Variants in UBE3A observed in about 807,000 individuals in gnomAD.
The protein encoded by UBE3A is ubiquitin protein ligase E3A, also known as ubiquitin-protein ligase E3A.
Under a neutral mutation model 83.4 loss-of-function variants are expected in UBE3A, and 6 were observed. That is an observed-to-expected ratio of 0.07 (90% CI 0.04 to 0.14). The LOEUF (loss-of-function observed/expected upper bound fraction) is 0.14. Among genes scored for constraint, UBE3A ranks in the 10% least tolerant of loss-of-function variants. The probability of loss-of-function intolerance (pLI) is 1.00; values close to 1 mark genes in which losing one functional copy is unlikely to be tolerated. For missense variants in UBE3A, 456 were observed against 1,036.1 expected (o/e 0.44, Z 7.69); for synonymous variants, 337 against 355.4 (o/e 0.95, Z 0.58).
Position 25,340,182 on chromosome 15 carries a change from G to A in UBE3A, c.2401C>T (p.Leu801Phe). Residue 801 changes from leucine (L) to phenylalanine (F), a missense_variant, in exon 12 of 13, where the codon CTC becomes TTC. This residue lies in a region of UBE3A where 82 missense variants were observed against 199.3 expected (regional missense o/e 0.41). Coordinates refer to ENST00000648336, the MANE Select transcript of UBE3A (RefSeq NM_130839.5). ...GTGCCCGTTGTAAACTGCAAGAAGA[G>A]TCTTTTCTGTTCATCTGTAAATGAA... ...VHSFTDEQKRLFLQFTTGTDR... is the reference protein window; with the variant it reads ...VHSFTDEQKRFFLQFTTGTDR... The A allele has an allele frequency of 6.2e-7, 1 of 1,613,940 alleles. No homozygotes were observed. The highest frequency in any genetic ancestry group is 1.7e-5 in the Admixed American group (1 of 60,020).
intron 1 of UBE3A, among the ~76,000 whole-genome samples, chr15:25,413,366 CTG>C (rs1392519865): frequency 6.6e-6 from 1 of 152,052 alleles, no homozygotes; most frequent in African/African-American, 2.4e-5. Context: ...ATTTCACAAA[CTG>C]TTTTTTTCTA....
At chr15:25,347,507 C>G (rs765292934) in intron 11 of UBE3A, among the ~76,000 whole-genome samples, 1 of 152,148 alleles carries the variant, frequency 6.6e-6, no homozygotes, top group Non-Finnish European at 1.5e-5. Flanking sequence ...CGAGACCAGC[C>G]TGGCCAATAT....
chr15:25,405,548 C>CA lies in UBE3A; in HGVS notation c.21-47dup, dbSNP rs35086186. The CA allele has an allele frequency of 0.12, 179,765 of 1,554,302 alleles. 7,597 individuals carry two copies. Among genetic ancestry groups the CA allele is most frequent in the Middle Eastern group, 0.16 (936 of 5,798 alleles). ...ACAGTTAGCAAAATATTCCATATTC[C>CA]AAAAAAAAAGGTAGACATATTACTT... On this transcript the variant is annotated intron_variant, in intron 3 of 12. Transcript: ENST00000648336.
At chr15:25,365,872 T>A (rs1021896665) in intron 6 of UBE3A, among the ~76,000 whole-genome samples, 5 of 152,190 alleles carry the variant, frequency 3.3e-5, no homozygotes, top group Admixed American at 3.3e-4. Context: ...ATGTTCACGA[T>A]AAACACATGA....
chr15:25,369,912 G>T (rs184706002), intron 6 of UBE3A, among the ~76,000 whole-genome samples: 1 of 152,220 alleles, frequency 6.6e-6, no homozygotes, highest in East Asian at 1.9e-4. Context: ...GATGTTACAG[G>T]CACCACTAAT....
chr15:25,377,172 CAACAATT>C (rs1347054609), intron 4 of UBE3A, among the ~76,000 whole-genome samples: 2 of 152,114 alleles, frequency 1.3e-5, no homozygotes, highest in African/African-American at 4.8e-5. Context: ...ATGAGAAACT[CAACAATT>C]AACAAGGCAG....
intron 1 of UBE3A, among the ~76,000 whole-genome samples, chr15:25,416,196 A>C (rs2090885754): frequency 6.6e-6 from 1 of 152,210 alleles, no homozygotes; most frequent in Non-Finnish European, 1.5e-5. Flanking sequence ...ATTCACAAGA[A>C]GACAATCACT....
chr15:25,360,313 A>C, intron 7 of UBE3A, 70 bp downstream of exon 7: 1 of 1,598,526 alleles, frequency 6.3e-7, no homozygotes, highest in East Asian at 2.2e-5. Context: ...AAATATTTAC[A>C]AAGTAAGATA....
At position 25,338,192 on chromosome 15, in the gene UBE3A, ATCTT is replaced by A. The variant is rs893422417; in HGVS notation, c.*941_*944del. 7.9e-5 allele frequency: 12 copies of A among 152,138 alleles called. No individual in the cohort carries two copies. The highest frequency in any genetic ancestry group is 8.8e-5 in the Non-Finnish European group (6 of 67,988). The allele number at this position is 152,138 out of a possible 1,614,324, so 9.4% of individuals were successfully genotyped here. On this transcript the variant is annotated 3_prime_UTR_variant, in exon 13 of 13. Transcript: ENST00000648336. The stretch of plus-strand genomic sequence containing the variant: ...TAAGTAAGTAATTAATAAAAACTCT[ATCTT>A]AAGTGCACTTTCACATGCTTTTTGT...
chr15:25,406,590 A>G (rs2088603789), intron 3 of UBE3A, among the ~76,000 whole-genome samples: 2 of 152,126 alleles, frequency 1.3e-5, no homozygotes, highest in South Asian at 4.1e-4. Context: ...GTCAAAAGCT[A>G]AATTTTCAAA....
intron 1 of UBE3A, among the ~76,000 whole-genome samples, chr15:25,428,800 A>C (rs186155873): frequency 6.6e-6 from 1 of 152,194 alleles, no homozygotes; most frequent in Non-Finnish European, 1.5e-5. Context: ...TAATGCTGAT[A>C]AAGTATACAT....
rs931330689 is a variant in UBE3A at position 25,438,748 on chromosome 15, G to A, written c.-424C>T. On this transcript the variant is annotated 5_prime_UTR_variant, in exon 1 of 13. Coordinates refer to ENST00000648336, the MANE Select transcript of UBE3A (RefSeq NM_130839.5). ...GGGGCCCTCCTGCCAGGGGCTACAG[G>A]CCGCGAGCTATTCCGAGGAGGAGCC... The A allele has an allele frequency of 6.6e-6, 1 of 152,488 alleles. No homozygotes were observed. Among genetic ancestry groups the A allele is most frequent in the Non-Finnish European group, 1.5e-5 (1 of 68,254 alleles). The allele number at this position is 152,488 out of a possible 1,614,324, so 9.4% of individuals were successfully genotyped here.
chr15:25,378,315 A>G (rs1187316350), intron 4 of UBE3A, among the ~76,000 whole-genome samples: 3 of 152,178 alleles, frequency 2.0e-5, no homozygotes, highest in Admixed American at 2.0e-4. Flanking sequence ...GAAGATCTGC[A>G]TTAAGTGTCA....
intron 1 of UBE3A, among the ~76,000 whole-genome samples, chr15:25,415,449 T>A (rs1213559231): frequency 6.6e-6 from 1 of 152,188 alleles, no homozygotes; most frequent in Non-Finnish European, 1.5e-5. Context: ...TTGGCTATAA[T>A]GTACTGGATA....
At chr15:25,365,315 TTA>T (rs1359484188) in intron 6 of UBE3A, among the ~76,000 whole-genome samples, 2 of 152,168 alleles carry the variant, frequency 1.3e-5, no homozygotes, top group African/African-American at 2.4e-5. Flanking sequence ...ACTTAAAATC[TTA>T]TAGTTTTCTG....
intron 1 of UBE3A, among the ~76,000 whole-genome samples, chr15:25,432,213 A>C (rs1197535217): frequency 1.3e-5 from 2 of 152,218 alleles, no homozygotes; most frequent in African/African-American, 4.8e-5. Flanking sequence ...AAAATGTGAC[A>C]TATGTCCATA....
intron 1 of UBE3A, among the ~76,000 whole-genome samples, chr15:25,417,723 G>T (rs1306205981): frequency 2.0e-5 from 3 of 151,846 alleles, no homozygotes; most frequent in Non-Finnish European, 2.9e-5. Flanking sequence ...GAAATAAAAA[G>T]ACTGAAAAAT....
At chr15:25,413,778 G>A (rs1283615693) in intron 1 of UBE3A, among the ~76,000 whole-genome samples, 1 of 151,996 alleles carries the variant, frequency 6.6e-6, no homozygotes, top group Non-Finnish European at 1.5e-5. Context: ...TATATTCCCA[G>A]TGCTTTGGCC....
At chr15:25,364,633 T>A (rs66603513) in intron 6 of UBE3A, among the ~76,000 whole-genome samples, 1 of 136,736 alleles carries the variant, frequency 7.3e-6, no homozygotes, top group Non-Finnish European at 1.5e-5. Context: ...ATTTTTAGGG[T>A]TTTTTTTGTT....
Sources: gnomAD v4.1 joint callset for allele counts (sites outside exome capture counted in the v4.1 genomes callset) on GRCh38, gnomAD v4.1.1 for gene constraint, gnomAD v4.1.1 regional missense constraint, MANE v1.5 for transcripts, NCBI Gene and HGNC (gene_info 2026-07-23, HGNC 2026-07-21) for gene names.